Variants in LGR4 observed in about 807,000 individuals in gnomAD.
LGR4 encodes the protein leucine rich repeat containing G protein-coupled receptor 4.
LGR4 carries 44 observed loss-of-function variants against 84.8 expected under a neutral mutation model. The ratio of observed to expected loss-of-function variants is 0.52; its 90% CI spans 0.41 to 0.67. The LOEUF (loss-of-function observed/expected upper bound fraction) is 0.67, where lower values mean the gene tolerates loss of function less well. Among genes scored for constraint, LGR4 ranks in the 30% least tolerant of loss-of-function variants. LGR4 has a pLI of 0.00. For synonymous variants in LGR4, 429 were observed against 434.3 expected, an observed-to-expected ratio of 0.99 and a Z score of 0.15; for missense variants, 1,032 against 1,131.4, an observed-to-expected ratio of 0.91 and a Z score of 1.26.
chr11:27,380,613 G>C, intron 9 of LGR4, 27 bp downstream of exon 9: 1 of 1,382,800 alleles, frequency 7.2e-7, no homozygotes, highest in Non-Finnish European at 1.0e-6. Context: ...TAAATATCCA[G>C]GTTTGTTTTT....
chr11:27,454,307 A>G (rs943566723), intron 1 of LGR4, among the ~76,000 whole-genome samples: 1 of 152,156 alleles, frequency 6.6e-6, no homozygotes, highest in African/African-American at 2.4e-5. Flanking sequence ...TACTCCAACC[A>G]CGTCTTCAAG....
intron 17 of LGR4, among the ~76,000 whole-genome samples, chr11:27,371,266 C>T (rs1377622965): frequency 6.6e-6 from 1 of 152,190 alleles, no homozygotes; most frequent in Non-Finnish European, 1.5e-5. Context: ...TAAGGAAAGG[C>T]AAGGCTACAT....
intron 1 of LGR4, among the ~76,000 whole-genome samples, chr11:27,462,365 T>C (rs962162508): frequency 2.0e-5 from 3 of 152,192 alleles, no homozygotes; most frequent in African/African-American, 7.2e-5. Flanking sequence ...AAGATTTCCC[T>C]TGAGCTCCCT....
chr11:27,451,587 A>C (rs941555034), intron 1 of LGR4, among the ~76,000 whole-genome samples: 1 of 152,254 alleles, frequency 6.6e-6, no homozygotes, highest in Non-Finnish European at 1.5e-5. Context: ...ATGAAAGGAA[A>C]TTAAGGTTGT....
At chr11:27,402,774 G>A (rs147273381) in intron 2 of LGR4, among the ~76,000 whole-genome samples, 2 of 152,278 alleles carry the variant, frequency 1.3e-5, no homozygotes, top group African/African-American at 4.8e-5. Flanking sequence ...AAGAAAGCTG[G>A]CTACTGGGAA....
At chr11:27,448,294 T>TC (rs1197262183) in intron 1 of LGR4, among the ~76,000 whole-genome samples, 1 of 121,052 alleles carries the variant, frequency 8.3e-6, no homozygotes, top group Non-Finnish European at 2.0e-5. Flanking sequence ...TTTTTTCTTT[T>TC]CTTTTTTTTT....
chr11:27,393,956 G>A (rs1435199910), intron 2 of LGR4, among the ~76,000 whole-genome samples: 3 of 93,282 alleles, frequency 3.2e-5, no homozygotes. Flanking sequence ...GGGGGGGGGC[G>A]CGGGAAGGGG....
chr11:27,439,772 C>A (rs1485153608), intron 1 of LGR4, among the ~76,000 whole-genome samples: 1 of 152,104 alleles, frequency 6.6e-6, no homozygotes, highest in Admixed American at 6.6e-5. Flanking sequence ...CCTCCCTGTA[C>A]CCTGGCCATT....
Position 27,430,211 on chromosome 11 carries a change from A to C in LGR4, c.186-17351T>G, listed in dbSNP as rs371666758. On this transcript the variant is annotated intron_variant, in intron 1 of 17. Coordinates refer to ENST00000379214, the MANE Select transcript of LGR4 (RefSeq NM_018490.5). ...TCAAAGACACCATCACTTAAGTGCC[A>C]CTCAAAGCTCCATCGAGATCCAAGA... 7.2e-5 allele frequency among the ~76,000 whole-genome samples: 11 copies of C among 152,212 alleles called. No homozygotes were observed. The South Asian group carries it at 2.3e-3, about 32-fold the overall frequency.
At chr11:27,458,190 C>T (rs2133451279) in intron 1 of LGR4, among the ~76,000 whole-genome samples, 1 of 152,224 alleles carries the variant, frequency 6.6e-6, no homozygotes, top group South Asian at 2.1e-4. Flanking sequence ...GTTAGAATCT[C>T]AAATGCAGTA....
At position 27,368,449 on chromosome 11, in the gene LGR4, G is replaced by A; in HGVS notation, c.2274C>T (p.Ile758=). ...AAAAAAACGCCACAGGGCAGAAAAA[G>A]ATGCAATTGGTGAAGATTAGCCAAG... ...HVAWLIFTNC[I]FFCPVAFFSF... Residue 758 remains isoleucine (I), a synonymous_variant, in exon 18 of 18, where the codon ATC becomes ATT. Transcript: ENST00000379214. The A allele has an allele frequency of 2.5e-6, 4 of 1,614,200 alleles. No individual in the cohort carries two copies. The highest frequency in any genetic ancestry group is 3.4e-6 in the Non-Finnish European group (4 of 1,180,010).
At chr11:27,462,084 C>T (rs533036279) in intron 1 of LGR4, among the ~76,000 whole-genome samples, 24 of 152,124 alleles carry the variant, frequency 1.6e-4, no homozygotes, top group Admixed American at 1.4e-3. Flanking sequence ...CTACCCGCCT[C>T]GGCCTCCCAA....
intron 1 of LGR4, among the ~76,000 whole-genome samples, chr11:27,444,024 A>G (rs1319882951): frequency 6.6e-6 from 1 of 152,148 alleles, no homozygotes; most frequent in Non-Finnish European, 1.5e-5. Context: ...CCCTTAATTA[A>G]GACCTGCACA....
Position 27,424,871 on chromosome 11 carries a change from CCAAGT to C in LGR4, c.186-12016_186-12012del, listed in dbSNP as rs555067144. ...CAGGCAATTCTCCTCCTTCAGCCTCCCAAGTAGTTGGGATTATAGGCACGTGCCAC... is the reference window on the plus strand; with the variant it reads ...CAGGCAATTCTCCTCCTTCAGCCTCCAGTTGGGATTATAGGCACGTGCCAC... On this transcript the variant is annotated intron_variant, in intron 1 of 17. Coordinates refer to ENST00000379214, the MANE Select transcript of LGR4 (RefSeq NM_018490.5). 1.7e-3 allele frequency among the ~76,000 whole-genome samples: 255 copies of C among 152,260 alleles called. 1 individual carries two copies. Among genetic ancestry groups the C allele is most frequent in the Non-Finnish European group, 2.5e-3 (170 of 68,020 alleles).
intron 1 of LGR4, among the ~76,000 whole-genome samples, chr11:27,422,017 T>C (rs1328875990): frequency 6.6e-6 from 1 of 152,240 alleles, no homozygotes; most frequent in Non-Finnish European, 1.5e-5. Flanking sequence ...CTAACTGGTG[T>C]TCCCAGGCAT....
At chr11:27,411,206 G>A (rs1179801430) in intron 2 of LGR4, among the ~76,000 whole-genome samples, 7 of 152,020 alleles carry the variant, frequency 4.6e-5, no homozygotes, top group Non-Finnish European at 1.0e-4. Flanking sequence ...CTTCTGTAAA[G>A]AGAGACTAAC....
At chr11:27,425,351 A>G (rs1343995841) in intron 1 of LGR4, among the ~76,000 whole-genome samples, 2 of 132,040 alleles carry the variant, frequency 1.5e-5, no homozygotes, top group African/African-American at 6.2e-5. Context: ...TTTTTTTTTG[A>G]AACAGTCTCA....
intron 1 of LGR4, among the ~76,000 whole-genome samples, chr11:27,428,991 G>A: frequency 6.6e-6 from 1 of 152,114 alleles, no homozygotes; most frequent in East Asian, 1.9e-4. Context: ...TGGATCTGTT[G>A]GGTCATGTGA....
chr11:27,457,436 C>A (rs1464694824), intron 1 of LGR4, among the ~76,000 whole-genome samples: 2 of 152,176 alleles, frequency 1.3e-5, no homozygotes, highest in Non-Finnish European at 2.9e-5. Flanking sequence ...CTTTTAAAAG[C>A]AGACATTCTC....
Sources: gnomAD v4.1 joint callset for allele counts (sites outside exome capture counted in the v4.1 genomes callset) on GRCh38, gnomAD v4.1.1 for gene constraint, MANE v1.5 for transcripts, NCBI Gene and HGNC (gene_info 2026-07-23, HGNC 2026-07-21) for gene names.